The following GABBR2 variants were observed in gnomAD, a reference collection of about 807,000 sequenced individuals.
The protein encoded by GABBR2 is G-protein coupled receptor 51.
Under a neutral mutation model 105.6 loss-of-function variants are expected in GABBR2, and 23 were observed. That is an observed-to-expected ratio of 0.22 (90% confidence interval 0.16 to 0.31). GABBR2 has a LOEUF of 0.31. Among genes scored for constraint, GABBR2 ranks in the 10% least tolerant of loss-of-function variants. The pLI is 1.00. For synonymous variants in GABBR2, 478 were observed against 499.7 expected, an observed-to-expected ratio of 0.96 and a Z score of 0.58; for missense variants, 734 against 1,245.5, an observed-to-expected ratio of 0.59 and a Z score of 6.18.
chr9:98,643,341 T>A (rs1485626245), intron 1 of GABBR2, among the ~76,000 whole-genome samples: 1 of 145,256 alleles, frequency 6.9e-6, no homozygotes, highest in Non-Finnish European at 1.5e-5. Flanking sequence ...AGTCATTTCC[T>A]CCATGGAATC....
intron 3 of GABBR2, among the ~76,000 whole-genome samples, 174 bp from the exon 4 acceptor site, chr9:98,496,688 T>C (rs945076633): frequency 6.6e-6 from 1 of 151,868 alleles, no homozygotes; most frequent in Non-Finnish European, 1.5e-5. Context: ...AACTTGAGGA[T>C]CCCCCAGTCC....
At chr9:98,424,121 G>A (rs2131559430) in intron 7 of GABBR2, among the ~76,000 whole-genome samples, 1 of 152,192 alleles carries the variant, frequency 6.6e-6, no homozygotes, top group East Asian at 1.9e-4. Flanking sequence ...ACATCAAAAA[G>A]CTTATCCACC....
chr9:98,534,357 G>A (rs1331145333), intron 3 of GABBR2, among the ~76,000 whole-genome samples: 2 of 152,152 alleles, frequency 1.3e-5, no homozygotes, highest in African/African-American at 2.4e-5. Context: ...GGAGAAAAGG[G>A]AAAGGCAGCC....
chr9:98,376,080 G>T (rs1376294481), intron 11 of GABBR2, among the ~76,000 whole-genome samples: 1 of 152,180 alleles, frequency 6.6e-6, no homozygotes, highest in Non-Finnish European at 1.5e-5. Context: ...ATCCATCCAT[G>T]GGGGAAGACA....
At chr9:98,509,714 T>C (rs1376474371) in intron 3 of GABBR2, among the ~76,000 whole-genome samples, 1 of 151,978 alleles carries the variant, frequency 6.6e-6, no homozygotes, top group African/African-American at 2.4e-5. Context: ...AAGAGAAGTT[T>C]AGAGAAAAAA....
intron 1 of GABBR2, among the ~76,000 whole-genome samples, chr9:98,649,078 G>A (rs1020613104): frequency 2.0e-5 from 3 of 152,142 alleles, no homozygotes; most frequent in African/African-American, 4.8e-5. Context: ...AAAAGTGATG[G>A]ATGTCTCCAA....
At position 98,376,169 on chromosome 9, in the gene GABBR2, G is replaced by A. The variant is rs575351906; in HGVS notation, c.1663-4598C>T. 1.9e-4 allele frequency among the ~76,000 whole-genome samples: 29 copies of A among 152,346 alleles called. 1 individual carries two copies. In the South Asian group the frequency reaches 2.7e-3, roughly 14 times the overall value. On this transcript the variant is annotated intron_variant, in intron 11 of 18. Coordinates refer to ENST00000259455, the MANE Select transcript of GABBR2 (RefSeq NM_005458.8). Reference sequence around the variant, plus strand: ...AATGAGAGCAAGTCTCCAAATGGAAGGAAAAATCTATGCCCAGAACAATTC... The same window carrying A: ...AATGAGAGCAAGTCTCCAAATGGAAAGAAAAATCTATGCCCAGAACAATTC...
At chr9:98,505,492 G>A (rs894185172) in intron 3 of GABBR2, among the ~76,000 whole-genome samples, 3 of 151,846 alleles carry the variant, frequency 2.0e-5, no homozygotes, top group Non-Finnish European at 4.4e-5. Flanking sequence ...TGTTCACAGT[G>A]CAGAGCCAGT....
chr9:98,659,612 C>G (rs921257668), intron 1 of GABBR2, among the ~76,000 whole-genome samples: 10 of 149,182 alleles, frequency 6.7e-5, no homozygotes, highest in African/African-American at 2.5e-4. Context: ...ATCTCTGCCT[C>G]CTGGTTCAAA....
intron 13 of GABBR2, among the ~76,000 whole-genome samples, chr9:98,340,406 T>C (rs1831190983): frequency 6.6e-6 from 1 of 152,048 alleles, no homozygotes; most frequent in East Asian, 1.9e-4. Flanking sequence ...TTACAATCTA[T>C]TCTGTGTGTG....
At chr9:98,365,721 T>C (rs369120704) in intron 12 of GABBR2, among the ~76,000 whole-genome samples, 1 of 152,056 alleles carries the variant, frequency 6.6e-6, no homozygotes, top group East Asian at 1.9e-4. Context: ...TGGGGAAGAC[T>C]AGTAGTGAAA....
rs138229364 is a variant in GABBR2 at position 98,309,715 on chromosome 9, T to G, written c.2004+1380A>C. Among the ~76,000 whole-genome samples, 89 of 152,314 alleles carry G rather than the reference T, an allele frequency of 5.8e-4. 1 individual carries two copies. Among genetic ancestry groups the G allele is most frequent in the Non-Finnish European group, 9.6e-4 (65 of 68,036 alleles). On this transcript the variant is annotated intron_variant, in intron 14 of 18. Coordinates refer to ENST00000259455, the MANE Select transcript of GABBR2 (RefSeq NM_005458.8). Reference sequence around the variant, plus strand: ...AGTCCTCAAGTTCCTATTTCTATATTGGGTACCTCCTGTGGACACCCCCAG... The same window carrying G: ...AGTCCTCAAGTTCCTATTTCTATATGGGGTACCTCCTGTGGACACCCCCAG...
rs142016679 is a variant in GABBR2 at position 98,583,138 on chromosome 9, C to T, written c.322-5066G>A. The stretch of plus-strand genomic sequence containing the variant: ...GCAAGAGAAACAACGTACTGGGCAC[C>T]AAGCATGCTTCCCTGGCTCCCCTAA... On this transcript the variant is annotated intron_variant, in intron 1 of 18. Coordinates refer to ENST00000259455, the MANE Select transcript of GABBR2 (RefSeq NM_005458.8). Among the ~76,000 whole-genome samples, 115 of 152,340 alleles carry T rather than the reference C, an allele frequency of 7.5e-4. 1 individual carries two copies. Among genetic ancestry groups the T allele is most frequent in the African/African-American group, 2.4e-3 (99 of 41,568 alleles).
Position 98,290,620 on chromosome 9 carries a change from C to T in GABBR2, c.2790G>A (p.Val930=). The part of the protein sequence containing the change: ...SPTASPRHRH[V]PPSFRVMVSG... Reference sequence around the variant, plus strand: ...AGACCATGACTCGGAAGGAGGGTGGCACATGTCTGTGGCGGGGGCTGGCGG... The same window carrying T: ...AGACCATGACTCGGAAGGAGGGTGGTACATGTCTGTGGCGGGGGCTGGCGG... Residue 930 remains valine, a synonymous_variant, in exon 19 of 19, where the codon GTG becomes GTA. Coordinates refer to ENST00000259455, the MANE Select transcript of GABBR2 (RefSeq NM_005458.8). The T allele has an allele frequency of 6.9e-7, 1 of 1,439,122 alleles. No individual in the cohort carries two copies. 89.1% of individuals were successfully genotyped at this position (1,439,122 alleles called of 1,614,324 possible).
rs1418219815 is a variant in GABBR2 at position 98,436,384 on chromosome 9, TATATATATATATATATATATATAG to T, written c.1236+17573_1236+17596del. 6.7e-3 allele frequency among the ~76,000 whole-genome samples: 323 copies of T among 48,536 alleles called. 42 individuals carry two copies. The highest frequency in any genetic ancestry group is 0.047 in the Admixed American group (227 of 4,792). The allele number at this position is 48,536 out of a possible 152,430, so 31.8% of individuals were successfully genotyped here. ...ATATATATATATATATATATATATA[TATATATATATATATATATATATAG>T]TATGGCGTTCTTTCTTCTACTACCA... On this transcript the variant is annotated intron_variant, in intron 7 of 18. Coordinates refer to ENST00000259455, the MANE Select transcript of GABBR2 (RefSeq NM_005458.8).
At chr9:98,639,589 C>G (rs1588264133) in intron 1 of GABBR2, among the ~76,000 whole-genome samples, 1 of 141,842 alleles carries the variant, frequency 7.1e-6, no homozygotes, top group Non-Finnish European at 1.5e-5. Context: ...TGTTCTCACA[C>G]ACGCATAGAC....
intron 7 of GABBR2, among the ~76,000 whole-genome samples, chr9:98,415,718 G>A (rs1393773795): frequency 6.6e-6 from 1 of 152,188 alleles, no homozygotes; most frequent in African/African-American, 2.4e-5. Flanking sequence ...TATGTATGAT[G>A]ATCTCCATTT....
chr9:98,457,483 T>C (rs1042703731), intron 6 of GABBR2, among the ~76,000 whole-genome samples: 5 of 152,350 alleles, frequency 3.3e-5, no homozygotes, highest in African/African-American at 1.2e-4. Flanking sequence ...CTATTGGATT[T>C]GGCCTTGAGG....
At chr9:98,690,264 C>A (rs143358931) in intron 1 of GABBR2, among the ~76,000 whole-genome samples, 1 of 152,298 alleles carries the variant, frequency 6.6e-6, no homozygotes, top group African/African-American at 2.4e-5. Flanking sequence ...GAAACTGAGT[C>A]TCAGAGAACC....
Sources: gnomAD v4.1 joint callset for allele counts (sites outside exome capture counted in the v4.1 genomes callset) on GRCh38, gnomAD v4.1.1 for gene constraint, MANE v1.5 for transcripts, NCBI Gene and HGNC (gene_info 2026-07-23, HGNC 2026-07-21) for gene names.